Variants in SYT14 observed in about 807,000 individuals in gnomAD.
The protein encoded by SYT14 is synaptotagmin-14.
SYT14 carries 32 observed loss-of-function variants against 74.2 expected under a neutral mutation model. The ratio of observed to expected loss-of-function variants is 0.43; its 90% CI spans 0.33 to 0.58. The LOEUF is 0.58. SYT14 is among the 20% of genes least tolerant of loss of function. The pLI is 0.05. For missense variants in SYT14, 791 were observed against 981.8 expected (o/e 0.81, Z 2.60); for synonymous variants, 298 against 337.7 (o/e 0.88, Z 1.29).
chr1:210,128,854 G>A (rs555753066), intron 7 of SYT14, among the ~76,000 whole-genome samples: 9 of 152,248 alleles, frequency 5.9e-5, no homozygotes, highest in Middle Eastern at 3.4e-3. Flanking sequence ...TTGTTTTCCC[G>A]AAGAACATTG....
At chr1:210,141,721 T>C (rs1381739905) in intron 7 of SYT14, among the ~76,000 whole-genome samples, 1 of 152,234 alleles carries the variant, frequency 6.6e-6, no homozygotes, top group African/African-American at 2.4e-5. Context: ...GTTCTGTGTA[T>C]ATTGAGCCAT....
intron 8 of SYT14, 101 bp from the exon 8 acceptor site, chr1:210,159,320 G>T (rs1193953131): frequency 1.8e-6 from 2 of 1,142,480 alleles, no homozygotes; most frequent in Non-Finnish European, 2.6e-6. Context: ...CCACTCCAGT[G>T]AACAGTGTTT....
At chr1:210,121,307 A>G (rs1297147456) in intron 7 of SYT14, among the ~76,000 whole-genome samples, 1 of 152,218 alleles carries the variant, frequency 6.6e-6, no homozygotes, top group Non-Finnish European at 1.5e-5. Flanking sequence ...AATCTTAATT[A>G]GATACTAGTC....
intron 7 of SYT14, among the ~76,000 whole-genome samples, chr1:210,154,037 C>A (rs2083220769): frequency 6.6e-6 from 1 of 152,174 alleles, no homozygotes; most frequent in Non-Finnish European, 1.5e-5. Flanking sequence ...TCTCTAATAT[C>A]TGAAAGAGTT....
Position 210,100,452 on chromosome 1 carries a change from C to A in SYT14, c.2025C>A (p.Tyr675Ter). 1 of 1,612,908 alleles carries A rather than the reference C, an allele frequency of 6.2e-7. No homozygotes were observed. The highest frequency in any genetic ancestry group is 1.7e-4 in the Middle Eastern group (1 of 6,056). The stretch of plus-strand genomic sequence containing the variant: ...TGCCTGTGATATTGGAACCTTCTTA[C>A]AATCATTCTGTGAGTATCTCATCAA... Residue 675 changes from tyrosine (Y) to a stop codon, truncating the protein, a stop_gained, in exon 7 of 10, where the codon TAC becomes TAA. Coordinates refer to ENST00000637265, the Ensembl canonical transcript of SYT14. LOFTEE classifies it high-confidence loss of function.
chr1:210,145,633 C>G (rs1186802849), intron 7 of SYT14, among the ~76,000 whole-genome samples: 1 of 152,168 alleles, frequency 6.6e-6, no homozygotes, highest in Non-Finnish European at 1.5e-5. Context: ...TCATATAGTG[C>G]TGGATGAGTA....
exon 8 of SYT14, chr1:210,155,887 A>G (rs1186324653): frequency 6.2e-7 from 1 of 1,614,134 alleles, no homozygotes; most frequent in Admixed American, 1.7e-5. Flanking sequence ...CACTTCAAAA[A>G]TTTGGCAGCA....
intron 7 of SYT14, among the ~76,000 whole-genome samples, chr1:210,135,856 T>C (rs1025775809): frequency 3.9e-5 from 6 of 152,234 alleles, no homozygotes; most frequent in African/African-American, 1.4e-4. Flanking sequence ...AATTTCCTTC[T>C]AAGTACTCAA....
At chr1:209,989,265 T>C (rs1020990660) in intron 2 of SYT14, among the ~76,000 whole-genome samples, 1 of 152,116 alleles carries the variant, frequency 6.6e-6, no homozygotes, top group African/African-American at 2.4e-5. Context: ...TATATAAAAA[T>C]CTGCAGCAGC....
Position 209,985,178 on chromosome 1 carries a change from A to G in SYT14, c.-485-28455A>G, listed in dbSNP as rs543151977. 3.3e-5 allele frequency among the ~76,000 whole-genome samples: 5 copies of G among 152,338 alleles called. No homozygotes were observed. In the East Asian group the frequency reaches 9.6e-4, roughly 29 times the overall value. ...AAAAATCCAAAGTCTCATCTGATAC[A>G]AGGCAATTGCCTTCTGTCTAGGAGC... On this transcript the variant is annotated intron_variant, in intron 2 of 9. Coordinates refer to ENST00000637265, the Ensembl canonical transcript of SYT14.
At chr1:210,065,239 A>G (rs1043067604) in intron 5 of SYT14, among the ~76,000 whole-genome samples, 7 of 152,036 alleles carry the variant, frequency 4.6e-5, no homozygotes, top group Non-Finnish European at 8.8e-5. Context: ...CTCATCTTGA[A>G]TTGTAGTTCC....
chr1:210,105,308 A>G (rs2082139643), intron 7 of SYT14, among the ~76,000 whole-genome samples: 1 of 152,202 alleles, frequency 6.6e-6, no homozygotes, highest in South Asian at 2.1e-4. Flanking sequence ...CCTCTCTGCA[A>G]AAGCAGCATA....
At chr1:209,939,146 T>G (rs906572020) in intron 1 of SYT14, among the ~76,000 whole-genome samples, 1 of 152,212 alleles carries the variant, frequency 6.6e-6, no homozygotes, top group African/African-American at 2.4e-5. Context: ...AAGGAAGAGA[T>G]TGTGAGAATT....
chr1:210,018,996 C>G (rs759062228), intron 4 of SYT14, among the ~76,000 whole-genome samples: 5 of 151,812 alleles, frequency 3.3e-5, no homozygotes, highest in Non-Finnish European at 7.4e-5. Context: ...ATTAGCCGGG[C>G]ATGGTGGTGG....
intron 5 of SYT14, among the ~76,000 whole-genome samples, chr1:210,057,011 A>T (rs930782510): frequency 2.0e-5 from 3 of 151,616 alleles, no homozygotes; most frequent in Admixed American, 2.0e-4. Flanking sequence ...CACTGTGCTA[A>T]TTTTTGTTCT....
intron 7 of SYT14, among the ~76,000 whole-genome samples, chr1:210,136,327 G>A (rs533652091): frequency 1.3e-5 from 2 of 152,268 alleles, no homozygotes; most frequent in East Asian, 3.9e-4. Flanking sequence ...TAAGGAGAAA[G>A]GGAACGGGGT....
intron 5 of SYT14, among the ~76,000 whole-genome samples, chr1:210,074,636 C>T (rs1000544021): frequency 4.6e-5 from 7 of 152,132 alleles, no homozygotes; most frequent in African/African-American, 1.4e-4. Context: ...AGAAAATGCC[C>T]TCAGAAAGCA....
At chr1:210,017,120 TGTGA>T (rs2080200948) in intron 4 of SYT14, 1 of 1,216,760 alleles carries the variant, frequency 8.2e-7, no homozygotes, top group Non-Finnish European at 1.0e-6. Flanking sequence ...CTAATGTTGG[TGTGA>T]GTGATTAAAT....
intron 5 of SYT14, among the ~76,000 whole-genome samples, chr1:210,049,669 T>TGAGA (rs2080954729): frequency 6.6e-6 from 1 of 152,064 alleles, no homozygotes; most frequent in African/African-American, 2.4e-5. Context: ...CACTTATGAG[T>TGAGA]GAGAACATGT....
Sources: gnomAD v4.1 joint callset for allele counts (sites outside exome capture counted in the v4.1 genomes callset) on GRCh38, gnomAD v4.1.1 for gene constraint, MANE v1.5 for transcripts, NCBI Gene and HGNC (gene_info 2026-07-23, HGNC 2026-07-21) for gene names.